Variants in EXOC2 observed in about 807,000 individuals in gnomAD.
EXOC2 encodes SEC5-like 1.
EXOC2 carries 70 observed loss-of-function variants against 131.8 expected under a neutral mutation model. That is an observed-to-expected ratio of 0.53 (90% confidence interval 0.44 to 0.65). The LOEUF is 0.65. Ranked by LOEUF, EXOC2 falls within the 30% of genes least tolerant of loss-of-function variation. The pLI is 0.00. For missense variants in EXOC2, 923 were observed against 1,108.6 expected (o/e 0.83, Z 2.38); for synonymous variants, 411 against 398.4 (o/e 1.03, Z -0.38).
At chr6:630,052 A>G in intron 3 of EXOC2, 91 bp from the exon 4 acceptor site, 5 of 1,419,202 alleles carry the variant, frequency 3.5e-6, no homozygotes, top group Non-Finnish European at 4.7e-6. Context: ...TTAAAGACCT[A>G]ATACAAAATG....
intron 5 of EXOC2, among the ~76,000 whole-genome samples, chr6:618,109 T>C: frequency 6.6e-6 from 1 of 152,192 alleles, no homozygotes; most frequent in East Asian, 1.9e-4. Flanking sequence ...GAAGTAAATG[T>C]GTAGATGTTT....
chr6:499,942 T>A (rs1438052613), intron 23 of EXOC2, among the ~76,000 whole-genome samples: 1 of 152,210 alleles, frequency 6.6e-6, no homozygotes, highest in African/African-American at 2.4e-5. Context: ...TTATGTTCTC[T>A]ATAACTGGCT....
chr6:539,062 T>G (rs1362416487), intron 22 of EXOC2, among the ~76,000 whole-genome samples: 1 of 110,614 alleles, frequency 9.0e-6, no homozygotes, highest in Non-Finnish European at 1.8e-5. Flanking sequence ...AGAGCAAGAC[T>G]CTGTCTGAAG....
At chr6:656,387 AC>A (rs1455668198) in intron 1 of EXOC2, 1 of 1,614,176 alleles carries the variant, frequency 6.2e-7, no homozygotes, top group Non-Finnish European at 8.5e-7. Flanking sequence ...TCATCCTGCC[AC>A]TGAGGTTTGC....
rs574265929 is a variant in EXOC2 at position 509,485 on chromosome 6, A to AT, written c.2381-9786dup. 5.3e-5 allele frequency among the ~76,000 whole-genome samples: 8 copies of AT among 152,314 alleles called. No homozygotes were observed. In the South Asian group the frequency reaches 1.2e-3, roughly 24 times the overall value. Reference sequence around the variant, plus strand: ...ATTACTGTAATTAACAGTATCCCTAATATATGCTCCTCCTCAGCTATGATA... The same window carrying AT: ...ATTACTGTAATTAACAGTATCCCTAATTATATGCTCCTCCTCAGCTATGATA... On this transcript the variant is annotated intron_variant, in intron 23 of 27. Transcript: ENST00000230449.
chr6:575,395 C>T (rs1438181967), intron 12 of EXOC2, among the ~76,000 whole-genome samples: 2 of 152,102 alleles, frequency 1.3e-5, no homozygotes, highest in Non-Finnish European at 2.9e-5. Flanking sequence ...CAGTGAGCTG[C>T]ACCTTTTTTC....
intron 23 of EXOC2, among the ~76,000 whole-genome samples, chr6:502,106 A>G (rs75891606): frequency 0.022 from 3,345 of 152,262 alleles, 73 homozygotes; most frequent in Non-Finnish European, 0.039. Flanking sequence ...TCTGGTCTCT[A>G]AGCCGCACGC....
At chr6:495,335 A>G (rs951209064) in intron 25 of EXOC2, among the ~76,000 whole-genome samples, 14 of 151,824 alleles carry the variant, frequency 9.2e-5, no homozygotes, top group South Asian at 4.2e-4. Context: ...CGTGTTAGCC[A>G]GGATGGTCTC....
chr6:605,689 G>T lies in EXOC2; in HGVS notation c.742+4409C>A, dbSNP rs191477872. ...ACTGATTTTTTGAAGGGTTTTTTGT[G>T]TCTCTATCTCCTTCAATTCTGCTCT... On this transcript the variant is annotated intron_variant, in intron 7 of 27. Coordinates refer to ENST00000230449, the MANE Select transcript of EXOC2 (RefSeq NM_018303.6). Among the ~76,000 whole-genome samples the T allele has an allele frequency of 6.6e-5, 10 of 152,216 alleles. No homozygotes were observed. In the East Asian group the frequency reaches 1.9e-3, roughly 29 times the overall value.
chr6:614,418 C>T (rs1345683938), intron 6 of EXOC2, among the ~76,000 whole-genome samples: 2 of 152,246 alleles, frequency 1.3e-5, no homozygotes, highest in Non-Finnish European at 2.9e-5. Context: ...TGCAATTCCA[C>T]TGGGAGACTA....
intron 7 of EXOC2, among the ~76,000 whole-genome samples, chr6:600,139 C>G (rs572717084): frequency 1.3e-5 from 2 of 152,300 alleles, no homozygotes; most frequent in Admixed American, 6.5e-5. Flanking sequence ...GCAATATTCT[C>G]TAGAGCACAC....
chr6:642,114 A>G (rs1382131673), intron 1 of EXOC2, among the ~76,000 whole-genome samples: 1 of 152,118 alleles, frequency 6.6e-6, no homozygotes, highest in Non-Finnish European at 1.5e-5. Flanking sequence ...GCTTGTATTC[A>G]TGTAATTCAA....
At chr6:604,811 G>A (rs546509268) in intron 7 of EXOC2, among the ~76,000 whole-genome samples, 83 of 150,908 alleles carry the variant, frequency 5.5e-4, no homozygotes, top group African/African-American at 1.9e-3. Context: ...GGACACACCT[G>A]CCTCCCTCCA....
intron 21 of EXOC2, 40 bp downstream of exon 21, chr6:553,814 G>A: frequency 1.3e-6 from 2 of 1,555,026 alleles, no homozygotes; most frequent in Non-Finnish European, 1.8e-6. Context: ...TTGTTACACA[G>A]TTTTAAAATG....
In EXOC2 at chr6:637,694, C is replaced by A. The variant is rs1279232277; in HGVS notation, c.118+7G>T. On this transcript the variant is annotated splice_region_variant and intron_variant, in intron 2 of 27. Coordinates refer to ENST00000230449, the MANE Select transcript of EXOC2 (RefSeq NM_018303.6). ...AGCAGGGTGCGTCGCAGGGCCTCTG[C>A]CCTTACCTATGAGGTCGGTGGGGCC... 1.9e-6 allele frequency: 3 copies of A among 1,609,498 alleles called. No individual in the cohort carries two copies. The highest frequency in any genetic ancestry group is 3.4e-5 in the Admixed American group (2 of 58,994).
intron 7 of EXOC2, among the ~76,000 whole-genome samples, chr6:600,798 AT>A (rs1204301046): frequency 6.6e-5 from 10 of 152,202 alleles, no homozygotes; most frequent in African/African-American, 2.4e-4. Context: ...AATTATGTTT[AT>A]TTATGCCAAA....
At chr6:554,738 C>A (rs1023989029) in intron 20 of EXOC2, among the ~76,000 whole-genome samples, 4 of 145,076 alleles carry the variant, frequency 2.8e-5, no homozygotes, top group South Asian at 2.1e-4. Flanking sequence ...AAAAAAAAAA[C>A]CAGCACTTTA....
At chr6:526,517 G>A (rs932875599) in intron 23 of EXOC2, among the ~76,000 whole-genome samples, 5 of 144,024 alleles carry the variant, frequency 3.5e-5, no homozygotes, top group African/African-American at 7.8e-5. Flanking sequence ...CTCGGCTCAC[G>A]GCAACCTCTG....
chr6:535,994 T>C (rs1003122922), intron 22 of EXOC2, among the ~76,000 whole-genome samples: 8 of 152,200 alleles, frequency 5.3e-5, no homozygotes, highest in African/African-American at 1.9e-4. Flanking sequence ...GAAAATTCAA[T>C]ATACTTTCAT....
Sources: gnomAD v4.1 joint callset for allele counts (sites outside exome capture counted in the v4.1 genomes callset) on GRCh38, gnomAD v4.1.1 for gene constraint, MANE v1.5 for transcripts, NCBI Gene and HGNC (gene_info 2026-07-23, HGNC 2026-07-21) for gene names.